USP25: variants seen among roughly 807,000 people sequenced by gnomAD.
USP25 encodes ubiquitin carboxyl-terminal hydrolase 25.
Under a neutral mutation model 158.5 loss-of-function variants are expected in USP25, and 85 were observed. The ratio of observed to expected loss-of-function variants is 0.54; its 90% CI spans 0.45 to 0.64. USP25 has a LOEUF of 0.64. USP25 is among the 30% of genes least tolerant of loss of function. The pLI, the probability that USP25 is intolerant of heterozygous loss-of-function variation, is 0.00. For synonymous variants in USP25, 464 were observed against 460.4 expected (o/e 1.01, Z -0.10); for missense variants, 1,242 against 1,327.3 (o/e 0.94, Z 1.00).
At position 15,816,184 on chromosome 21, in the gene USP25, A is replaced by G. The variant is rs1568842349; in HGVS notation, c.932-2514A>G. Among the ~76,000 whole-genome samples, 1 of 152,094 alleles carries G rather than the reference A, an allele frequency of 6.6e-6. No individual in the cohort carries two copies. Among genetic ancestry groups the G allele is most frequent in the African/African-American group, 2.4e-5 (1 of 41,398 alleles). On this transcript the variant is annotated intron_variant, in intron 9 of 25. Transcript: ENST00000400183. This position sits in a 1 kb window ranked among gnomAD's most constrained non-coding sequence, Gnocchi z 4.0. Reference sequence around the variant, plus strand: ...CATGATATTGAATACATCTCATGAGATCTAATGAGTTTATCATGGGTTTCC... The same window carrying G: ...CATGATATTGAATACATCTCATGAGGTCTAATGAGTTTATCATGGGTTTCC...
chr21:15,809,660 A>G (rs1336866391), intron 8 of USP25, among the ~76,000 whole-genome samples: 1 of 152,220 alleles, frequency 6.6e-6, no homozygotes. Context: ...TGTATATCCA[A>G]AAGAATTGAA....
chr21:15,833,623 G>T (rs945631138), intron 17 of USP25, 75 bp downstream of exon 17: 2 of 1,321,770 alleles, frequency 1.5e-6, no homozygotes, highest in Non-Finnish European at 2.1e-6. Flanking sequence ...TTATTAAAAA[G>T]TTTTAGCTAT....
intron 3 of USP25, among the ~76,000 whole-genome samples, chr21:15,775,739 A>C (rs201630280): frequency 0.17 from 2,360 of 13,866 alleles, 4 homozygotes; most frequent in Middle Eastern, 0.39. Flanking sequence ...AATGGTTGCC[A>C]CCCCCCCCCC....
chr21:15,787,904 C>CT (rs1338271428), intron 4 of USP25, among the ~76,000 whole-genome samples: 1 of 131,368 alleles, frequency 7.6e-6, no homozygotes, highest in South Asian at 2.6e-4. Flanking sequence ...ACCCCCTCAC[C>CT]CCCCCCCCAA....
chr21:15,761,103 T>G (rs1357681948), intron 1 of USP25, among the ~76,000 whole-genome samples: 1 of 152,192 alleles, frequency 6.6e-6, no homozygotes, highest in Non-Finnish European at 1.5e-5. Context: ...GTCCTTCAGT[T>G]TGGGTTTGTG....
At chr21:15,861,776 T>TA (rs1162191609) in intron 20 of USP25, among the ~76,000 whole-genome samples, 2 of 152,070 alleles carry the variant, frequency 1.3e-5, no homozygotes, top group Non-Finnish European at 2.9e-5. Context: ...AGGAAGTGTA[T>TA]AAAAAATAGT....
chr21:15,878,014 G>T (rs1331222851), intron 25 of USP25, 23 bp downstream of exon 25: 1 of 1,582,660 alleles, frequency 6.3e-7, no homozygotes, highest in East Asian at 2.2e-5. Flanking sequence ...AATGGTAGTA[G>T]GCACCTGAGA....
intron 20 of USP25, among the ~76,000 whole-genome samples, chr21:15,854,453 T>G (rs949431512): frequency 1.1e-4 from 16 of 150,450 alleles, no homozygotes; most frequent in Non-Finnish European, 1.9e-4. Context: ...CGTGTTTTTG[T>G]TTTTTTTTAA....
At chr21:15,775,616 G>A (rs751098667) in intron 3 of USP25, among the ~76,000 whole-genome samples, 1 of 151,816 alleles carries the variant, frequency 6.6e-6, no homozygotes, top group East Asian at 1.9e-4. Flanking sequence ...TCTAGTTGCC[G>A]CTTATATTCC....
chr21:15,811,077 T>A, intron 8 of USP25, 60 bp from the exon 9 acceptor site: 1 of 1,413,374 alleles, frequency 7.1e-7, no homozygotes, highest in Non-Finnish European at 9.8e-7. Context: ...TTCTTTAATA[T>A]TTTCTCTATT....
At chr21:15,833,595 TATA>T in intron 17 of USP25, 47 bp downstream of exon 17, 1 of 1,480,194 alleles carries the variant, frequency 6.8e-7, no homozygotes, top group Non-Finnish European at 9.2e-7. Flanking sequence ...ATATTATTTT[TATA>T]ATAAGATATG....
intron 16 of USP25, among the ~76,000 whole-genome samples, chr21:15,831,970 A>G (rs983579636): frequency 6.6e-6 from 1 of 152,158 alleles, no homozygotes; most frequent in African/African-American, 2.4e-5. Flanking sequence ...CCCCACCTTC[A>G]TTGATCACCA....
chr21:15,842,023 A>T (rs1042088224), intron 17 of USP25, among the ~76,000 whole-genome samples: 6 of 152,194 alleles, frequency 3.9e-5, no homozygotes, highest in Non-Finnish European at 8.8e-5. Flanking sequence ...GGCCAGAGAA[A>T]AATAGCTCCT....
intron 10 of USP25, 81 bp from the exon 11 acceptor site, chr21:15,823,958 G>GCC: frequency 7.3e-7 from 1 of 1,376,678 alleles, no homozygotes; most frequent in Non-Finnish European, 1.0e-6. Flanking sequence ...CAATGTCAGT[G>GCC]CCCACATCCT....
At position 15,818,745 on chromosome 21, in the gene USP25, G is replaced by T; in HGVS notation, c.979G>T (p.Val327Phe). 1 of 1,613,524 alleles carries T rather than the reference G, an allele frequency of 6.2e-7. No homozygotes were observed. Among genetic ancestry groups the T allele is most frequent in the Non-Finnish European group, 8.5e-7 (1 of 1,179,614 alleles). ...TEMFGQYPLQ[V>F]NGFKDLHECL... ...AATGTTTGGTCAGTACCCACTTCAG[G>T]TCAATGGGTTCAAAGATCTGCATGA... The change falls in exon 10 of 26, where the codon GTC becomes TTC. Residue 327 changes from valine to phenylalanine, a missense_variant. Physicochemically the swap from Val to Phe is conservative, Grantham distance 50. This residue lies in a region of USP25 where 627 missense variants were observed against 701.4 expected (regional missense o/e 0.89). Coordinates refer to ENST00000400183, the MANE Select transcript of USP25 (RefSeq NM_001283041.3).
chr21:15,740,880 C>A lies in USP25; in HGVS notation c.45+10442C>A, dbSNP rs142376508. Reference sequence around the variant, plus strand: ...ACTGTCCCTCTTTTCTACACCACCCCCCACCCCCACACTACTGCTATCTTG... The same window carrying A: ...ACTGTCCCTCTTTTCTACACCACCCACCACCCCCACACTACTGCTATCTTG... On this transcript the variant is annotated intron_variant, in intron 1 of 25. Coordinates refer to ENST00000400183, the MANE Select transcript of USP25 (RefSeq NM_001283041.3). Among the ~76,000 whole-genome samples, 20 of 151,752 alleles carry A rather than the reference C, an allele frequency of 1.3e-4. No individual in the cohort carries two copies. In the East Asian group the frequency reaches 3.5e-3, roughly 26 times the overall value.
At chr21:15,778,819 C>T (rs1204700613) in intron 4 of USP25, among the ~76,000 whole-genome samples, 1 of 152,124 alleles carries the variant, frequency 6.6e-6, no homozygotes, top group Non-Finnish European at 1.5e-5. Context: ...CTCTATGTTA[C>T]TGAAGAAGAA....
chr21:15,845,297 CTT>C (rs372940717), intron 18 of USP25, among the ~76,000 whole-genome samples: 114 of 152,168 alleles, frequency 7.5e-4, no homozygotes, highest in African/African-American at 2.6e-3. Context: ...AACTGAGAAA[CTT>C]ATTTTTAACT....
intron 18 of USP25, among the ~76,000 whole-genome samples, chr21:15,846,158 AT>A (rs397973617): frequency 2.9e-4 from 7 of 23,950 alleles, no homozygotes; most frequent in Non-Finnish European, 3.6e-4. Flanking sequence ...ATATATATAT[AT>A]TTTTTTTTTT....
Sources: allele counts gnomAD v4.1 joint callset (sites outside exome capture counted in the v4.1 genomes callset), GRCh38; gene constraint gnomAD v4.1.1; regional missense constraint gnomAD v4.1.1; non-coding constraint Gnocchi (gnomAD v3.1); transcripts MANE v1.5; gene names NCBI Gene and HGNC (gene_info 2026-07-23, HGNC 2026-07-21).